COLEC12: variants seen among roughly 807,000 people sequenced by gnomAD.
COLEC12 encodes collectin-12.
Under a neutral mutation model 71.1 loss-of-function variants are expected in COLEC12, and 33 were observed. That is an observed-to-expected ratio of 0.46 (90% CI 0.35 to 0.62). The LOEUF is 0.62. COLEC12 is among the 20% of genes least tolerant of loss of function. The probability of loss-of-function intolerance (pLI) is 0.00; values close to 1 mark genes in which losing one functional copy is unlikely to be tolerated. For missense variants in COLEC12, 765 were observed against 916.1 expected (o/e 0.84, Z 2.13); for synonymous variants, 350 against 353.0 (o/e 0.99, Z 0.10).
At chr18:372,317 C>T (rs927980135) in intron 2 of COLEC12, among the ~76,000 whole-genome samples, 3 of 152,168 alleles carry the variant, frequency 2.0e-5, no homozygotes, top group African/African-American at 7.2e-5. Context: ...GTCACTGAGA[C>T]AAAGCTGGGA....
intron 2 of COLEC12, among the ~76,000 whole-genome samples, chr18:434,947 T>C (rs1916375091): frequency 6.6e-6 from 1 of 152,220 alleles, no homozygotes; most frequent in Admixed American, 6.5e-5. Flanking sequence ...CTCGAGGCCA[T>C]GCTCACAACA....
At chr18:373,797 T>A (rs1287695247) in intron 2 of COLEC12, among the ~76,000 whole-genome samples, 1 of 152,082 alleles carries the variant, frequency 6.6e-6, no homozygotes, top group African/African-American at 2.4e-5. Flanking sequence ...CTCACAGATA[T>A]ACTTGGTGCA....
chr18:384,908 C>T (rs969853869), intron 2 of COLEC12, among the ~76,000 whole-genome samples: 1 of 152,208 alleles, frequency 6.6e-6, no homozygotes, highest in Non-Finnish European at 1.5e-5. Context: ...GACTGAAATG[C>T]CTAGAAGTTC....
In COLEC12 at chr18:317,005, C is replaced by T. The variant is rs1369232677; in HGVS notation, c.*3040G>A. 1 of 152,172 alleles carries T rather than the reference C, an allele frequency of 6.6e-6. No individual in the cohort carries two copies. Among genetic ancestry groups the T allele is most frequent in the Non-Finnish European group, 1.5e-5 (1 of 68,042 alleles). The allele number at this position is 152,172 out of a possible 1,614,324, so 9.4% of individuals were successfully genotyped here. A position where few individuals can be genotyped will look rare whatever the true frequency, so the allele number is the denominator to read the frequency against. On this transcript the variant is annotated 3_prime_UTR_variant, in exon 10 of 10. Transcript: ENST00000400256. ...TTGGGAGGCCAAGGCGGGTGGATCA[C>T]CTGAGGTCAGGAGTTTGAGACCAGC...
At chr18:452,162 A>G (rs1408018113) in intron 2 of COLEC12, among the ~76,000 whole-genome samples, 1 of 152,240 alleles carries the variant, frequency 6.6e-6, no homozygotes, top group Non-Finnish European at 1.5e-5. Flanking sequence ...ATTGGCATCA[A>G]TGATCACTCA....
Position 357,410 on chromosome 18 carries a change from C to A in COLEC12, c.171G>T (p.Leu57Phe). 2 of 1,595,748 alleles carry A rather than the reference C, an allele frequency of 1.3e-6. No homozygotes were observed. Among genetic ancestry groups the A allele is most frequent in the Middle Eastern group, 1.7e-4 (1 of 6,026 alleles). ...AGAAAGCATGCTTACCTTTATATCCCAAAATGGCTACTGTGATTGTTAGCA... is the reference window on the plus strand; with the variant it reads ...AGAAAGCATGCTTACCTTTATATCCAAAAATGGCTACTGTGATTGTTAGCA... ...CALLTITVAI[L>F]GYKVVEKMDN... Residue 57 changes from leucine (L) to phenylalanine (F), a missense_variant, in exon 3 of 10, where the codon TTG (leucine) becomes TTT (phenylalanine). Physicochemically the swap from Leu to Phe is conservative, Grantham distance 22. Coordinates refer to ENST00000400256, the MANE Select transcript of COLEC12 (RefSeq NM_130386.3).
At chr18:437,147 C>A (rs1034623426) in intron 2 of COLEC12, among the ~76,000 whole-genome samples, 5 of 152,182 alleles carry the variant, frequency 3.3e-5, no homozygotes, top group Non-Finnish European at 5.9e-5. Context: ...CAAGGCCTCT[C>A]TTACCAGGAC....
chr18:490,629 G>C (rs1917603425), intron 1 of COLEC12, among the ~76,000 whole-genome samples: 1 of 152,166 alleles, frequency 6.6e-6, no homozygotes, highest in African/African-American at 2.4e-5. Context: ...GGAAAAGTCA[G>C]ACAGACAAAA....
intron 8 of COLEC12, among the ~76,000 whole-genome samples, chr18:324,920 T>C (rs1913801189): frequency 6.6e-6 from 1 of 152,068 alleles, no homozygotes; most frequent in South Asian, 2.1e-4. Flanking sequence ...CCTAGCGCAG[T>C]GGCTCACACT....
intron 1 of COLEC12, among the ~76,000 whole-genome samples, chr18:496,278 G>C (rs143912104): frequency 6.6e-6 from 1 of 152,272 alleles, no homozygotes; most frequent in East Asian, 1.9e-4. Flanking sequence ...ACATGGCAAA[G>C]GGTTGGAGCC....
intron 2 of COLEC12, among the ~76,000 whole-genome samples, chr18:454,134 C>G (rs1202946489): frequency 6.7e-6 from 1 of 149,528 alleles, no homozygotes; most frequent in Admixed American, 6.8e-5. Flanking sequence ...CCCATGGGCC[C>G]CCTGGTCTCA....
chr18:349,995 T>C (rs1179195165), intron 3 of COLEC12, among the ~76,000 whole-genome samples: 1 of 152,166 alleles, frequency 6.6e-6, no homozygotes, highest in Non-Finnish European at 1.5e-5. Flanking sequence ...CTGCAGACTT[T>C]AGGGTTAATG....
intron 1 of COLEC12, among the ~76,000 whole-genome samples, chr18:488,817 G>C (rs1199020262): frequency 6.6e-6 from 1 of 151,850 alleles, no homozygotes; most frequent in Non-Finnish European, 1.5e-5. Flanking sequence ...AGGTTGCAAT[G>C]AGCTGAGATT....
rs538772767 is a variant in COLEC12, at chr18:331,795, G to T, written c.1954-18C>A. On this transcript the variant is annotated intron_variant, in intron 7 of 9. Coordinates refer to ENST00000400256, the MANE Select transcript of COLEC12 (RefSeq NM_130386.3). ...ATCCATTGCTGAAAAACAAAGCAGGGGTGGTGCGTGACTATTTTTCAGAAC... is the reference window on the plus strand; with the variant it reads ...ATCCATTGCTGAAAAACAAAGCAGGTGTGGTGCGTGACTATTTTTCAGAAC... 1.5e-5 allele frequency: 22 copies of T among 1,474,588 alleles called. No homozygotes were observed. The South Asian group carries it at 2.4e-4, about 16-fold the overall frequency. 91.3% of individuals were successfully genotyped at this position (1,474,588 alleles called of 1,614,324 possible). A position where few individuals can be genotyped will look rare whatever the true frequency, so the allele number is the denominator to read the frequency against.
At chr18:382,647 G>A (rs1272348280) in intron 2 of COLEC12, among the ~76,000 whole-genome samples, 1 of 152,074 alleles carries the variant, frequency 6.6e-6, no homozygotes, top group East Asian at 1.9e-4. Flanking sequence ...TGTAGTATGG[G>A]CATCATTACA....
chr18:462,733 C>T (rs528986922), intron 2 of COLEC12, among the ~76,000 whole-genome samples: 2 of 152,248 alleles, frequency 1.3e-5, no homozygotes, highest in South Asian at 4.2e-4. Context: ...TCCCACCTGG[C>T]CTGTGAGGTC....
Position 362,254 on chromosome 18 carries a change from A to G in COLEC12, c.59-4732T>C, listed in dbSNP as rs1277482296. Among the ~76,000 whole-genome samples, 1 of 152,186 alleles carries G rather than the reference A, an allele frequency of 6.6e-6. No individual in the cohort carries two copies. Among genetic ancestry groups the G allele is most frequent in the Non-Finnish European group, 1.5e-5 (1 of 68,032 alleles). ...ATTTCTCACTGCTGACTCTATCAGC[A>G]TTTAATCAATATCAGATGGCACTGC... On this transcript the variant is annotated intron_variant, in intron 2 of 9. Transcript: ENST00000400256. The surrounding 1 kb of genome is among the most constrained non-coding windows in gnomAD (Gnocchi z 4.6).
At chr18:391,446 A>G (rs1461220062) in intron 2 of COLEC12, among the ~76,000 whole-genome samples, 1 of 152,248 alleles carries the variant, frequency 6.6e-6, no homozygotes, top group Admixed American at 6.5e-5. Flanking sequence ...TTGTGGTACC[A>G]GGTCCACCTA....
intron 2 of COLEC12, among the ~76,000 whole-genome samples, chr18:380,934 C>T (rs1915218348): frequency 6.6e-6 from 1 of 152,094 alleles, no homozygotes; most frequent in Admixed American, 6.5e-5. Flanking sequence ...CTTCCAGTTC[C>T]CTAGGCAACC....
Sources: gnomAD v4.1 joint callset for allele counts (sites outside exome capture counted in the v4.1 genomes callset) on GRCh38, gnomAD v4.1.1 for gene constraint, Gnocchi (gnomAD v3.1) non-coding constraint, MANE v1.5 for transcripts, NCBI Gene and HGNC (gene_info 2026-07-23, HGNC 2026-07-21) for gene names.